The following LAMB3 variants were observed in gnomAD, a reference collection of about 807,000 sequenced individuals.
LAMB3 encodes laminin subunit beta 3.
Under a neutral mutation model 140.3 loss-of-function variants are expected in LAMB3, and 104 were observed. That is an observed-to-expected ratio of 0.74 (90% CI 0.63 to 0.87). LAMB3 has a LOEUF of 0.87. Ranked by LOEUF, LAMB3 falls within the 40% of genes least tolerant of loss-of-function variation. The probability of loss-of-function intolerance (pLI) is 0.00; values close to 1 mark genes in which losing one functional copy is unlikely to be tolerated. For synonymous variants in LAMB3, 592 were observed against 602.9 expected, an observed-to-expected ratio of 0.98 and a Z score of 0.26; for missense variants, 1,531 against 1,575.2, an observed-to-expected ratio of 0.97 and a Z score of 0.47.
intron 3 of LAMB3, among the ~76,000 whole-genome samples, chr1:209,639,393 G>T (rs2236894): frequency 0.52 from 79,086 of 152,004 alleles, 22,062 homozygotes; most frequent in East Asian, 0.83. Flanking sequence ...CATCTGGGGC[G>T]TGAGGATCTT....
chr1:209,637,317 T>G (rs7519594), intron 5 of LAMB3, among the ~76,000 whole-genome samples: 54,321 of 152,074 alleles, frequency 0.36, 11,390 homozygotes, highest in Middle Eastern at 0.55. Context: ...TCATTGAATA[T>G]CTGACTATTT....
chr1:209,638,458 G>A (rs1422282465), intron 4 of LAMB3, 76 bp downstream of exon 4: 3 of 968,802 alleles, frequency 3.1e-6, no homozygotes, highest in Admixed American at 1.7e-5. Context: ...AACCCAAAGG[G>A]TTATAGGGCA....
chr1:209,616,268 A>AGC (rs201084579), intron 22 of LAMB3, among the ~76,000 whole-genome samples: 1,992 of 152,284 alleles, frequency 0.013, 33 homozygotes, highest in African/African-American at 0.045. Flanking sequence ...ATTAATTGCA[A>AGC]GCTTTTTGAG....
At position 209,634,570 on chromosome 1, in the gene LAMB3, C is replaced by T. The variant is rs1666824374; in HGVS notation, c.441G>A (p.Gln147=). The T allele has an allele frequency of 6.2e-7, 1 of 1,614,022 alleles. No individual in the cohort carries two copies. The highest frequency in any genetic ancestry group is 8.5e-7 in the Non-Finnish European group (1 of 1,180,036). ...TGGAGGTGCAGTCGGCAGCCAGGTA[C>T]TGGTACACTCGCCAGGTCTTACCGA... ...SDFGKTWRVY[Q]YLAADCTSTF... is the part of the protein sequence containing the mutation. The change falls in exon 6 of 23, where the codon CAG becomes CAA. Residue 147 remains glutamine (Q), a synonymous_variant. Transcript: ENST00000356082.
chr1:209,638,279 A>C (rs1391178302), intron 4 of LAMB3, among the ~76,000 whole-genome samples: 2 of 152,194 alleles, frequency 1.3e-5, no homozygotes, highest in Non-Finnish European at 1.5e-5. Context: ...CTGCAAGCCC[A>C]CCCACTGAGA....
intron 13 of LAMB3, among the ~76,000 whole-genome samples, chr1:209,626,606 T>C (rs990420104): frequency 2.0e-5 from 3 of 152,052 alleles, no homozygotes; most frequent in Non-Finnish European, 4.4e-5. Context: ...TGGGAAATGC[T>C]CTCTCTCTCT....
chr1:209,640,258 AG>A (rs2076456290), intron 3 of LAMB3, among the ~76,000 whole-genome samples: 1 of 152,236 alleles, frequency 6.6e-6, no homozygotes, highest in Non-Finnish European at 1.5e-5. Context: ...TTTATAAAGT[AG>A]TACCCATTGG....
At chr1:209,624,967 A>G (rs1321806877) in intron 14 of LAMB3, among the ~76,000 whole-genome samples, 8 of 150,986 alleles carry the variant, frequency 5.3e-5, no homozygotes, top group African/African-American at 1.9e-4. Flanking sequence ...GAAGGAAAAA[A>G]GAAGGAAAAG....
chr1:209,619,128 A>C (rs1282013792), intron 18 of LAMB3, among the ~76,000 whole-genome samples: 1 of 152,170 alleles, frequency 6.6e-6, no homozygotes, highest in Non-Finnish European at 1.5e-5. Context: ...AATAAGAATG[A>C]TCAAGTCTCT....
At chr1:209,651,886 G>A (rs968736351) in intron 1 of LAMB3, among the ~76,000 whole-genome samples, 14 of 151,740 alleles carry the variant, frequency 9.2e-5, no homozygotes, top group African/African-American at 1.7e-4. Flanking sequence ...GGCGGGGGGG[G>A]AAATTGAGGA....
At chr1:209,615,447 G>A (rs1220999236) in intron 22 of LAMB3, 40 bp from the exon 23 acceptor site, 2 of 1,559,938 alleles carry the variant, frequency 1.3e-6, no homozygotes, top group South Asian at 1.2e-5. Context: ...GGAGTTGATG[G>A]TGAGACTCCC....
chr1:209,635,247 C>T (rs1666855892), intron 5 of LAMB3, among the ~76,000 whole-genome samples: 1 of 152,202 alleles, frequency 6.6e-6, no homozygotes, highest in Admixed American at 6.5e-5. Context: ...CTATAATAAA[C>T]TCAGCCTCCA....
chr1:209,630,620 C>T lies in LAMB3; in HGVS notation c.938G>A (p.Cys313Tyr). 1.9e-6 allele frequency: 3 copies of T among 1,614,168 alleles called. No homozygotes were observed. Among genetic ancestry groups the T allele is most frequent in the Non-Finnish European group, 1.7e-6 (2 of 1,180,028 alleles). ...RPAEGQDAHE[C>Y]QRCDCNGHSE... is the part of the protein sequence containing the mutation. ...GGGTGATCCAAAGCTCCTACTTTGG[C>T]ATTCATGGGCGTCCTGGCCCTCCGC... is the stretch of plus-strand genomic sequence containing the variant. The change falls in exon 9 of 23, where the codon TGC becomes TAC. Residue 313 changes from cysteine (C) to tyrosine (Y), a missense_variant. Coordinates refer to ENST00000356082, the MANE Select transcript of LAMB3 (RefSeq NM_000228.3).
In LAMB3 at chr1:209,622,555, C is replaced by T. The variant is rs764193178; in HGVS notation, c.2682G>A (p.Gln894=). The T allele has an allele frequency of 6.8e-6, 11 of 1,614,052 alleles. No individual in the cohort carries two copies. Among genetic ancestry groups the T allele is most frequent in the Non-Finnish European group, 9.3e-6 (11 of 1,180,008 alleles). The part of the protein sequence containing the change: ...DVRRTRLLIQ[Q]VRDFLTDPDT... Reference sequence around the variant, plus strand: ...GCTCACCTGTTAGGAAGTCCCGGACCTGCTGGATTAGGAGCCGTGTGCGTC... The same window carrying T: ...GCTCACCTGTTAGGAAGTCCCGGACTTGCTGGATTAGGAGCCGTGTGCGTC... Residue 894 remains glutamine, a synonymous_variant, in exon 18 of 23, where the codon CAG becomes CAA. Coordinates refer to ENST00000356082, the MANE Select transcript of LAMB3 (RefSeq NM_000228.3).
intron 21 of LAMB3, 82 bp from the exon 22 acceptor site, chr1:209,616,706 C>G (rs1216472608): frequency 1.1e-5 from 15 of 1,351,562 alleles, no homozygotes; most frequent in Non-Finnish European, 1.6e-5. Context: ...TGATATCACC[C>G]AAATCAATAC....
rs2076552550 is a variant in LAMB3, at chr1:209,650,089, C to T, written c.58G>A (p.Ala20Thr). ...ALPGLLHAQQACSRGACYPPV... is the reference protein window; with the variant it reads ...ALPGLLHAQQTCSRGACYPPV... The stretch of plus-strand genomic sequence containing the variant: ...GGATAGCAGGCCCCACGGGAGCAGG[C>T]TTGTTGGGCATGCAGGAGGCCAGGC... Residue 20 changes from alanine to threonine, a missense_variant, in exon 3 of 23, where the codon GCC becomes ACC. By Grantham distance (58) the Ala-to-Thr change is moderately conservative. Transcript: ENST00000356082. 1.2e-6 allele frequency: 2 copies of T among 1,613,828 alleles called. No individual in the cohort carries two copies. The highest frequency in any genetic ancestry group is 1.3e-5 in the African/African-American group (1 of 74,886).
chr1:209,636,516 A>C (rs1666898879), intron 5 of LAMB3, among the ~76,000 whole-genome samples: 1 of 152,078 alleles, frequency 6.6e-6, no homozygotes, highest in African/African-American at 2.4e-5. Context: ...ACAAATGGTG[A>C]ATCTTCAGTC....
rs1274555886 is a variant in LAMB3 at position 209,652,351 on chromosome 1, T to C, written c.-38+18A>G. 2.6e-5 allele frequency: 4 copies of C among 152,284 alleles called. No homozygotes were observed. Among genetic ancestry groups the C allele is most frequent in the Non-Finnish European group, 5.9e-5 (4 of 68,108 alleles). The allele number at this position is 152,284 out of a possible 1,614,324, so 9.4% of individuals were successfully genotyped here. A position where few individuals can be genotyped will look rare whatever the true frequency, so the allele number is the denominator to read the frequency against. ...CCGCATCCGGCCCGCACCAGGCAGGTAAAGACAGGTAACATACCTTGCTGT... is the reference window on the plus strand; with the variant it reads ...CCGCATCCGGCCCGCACCAGGCAGGCAAAGACAGGTAACATACCTTGCTGT... On this transcript the variant is annotated intron_variant, in intron 1 of 22. Transcript: ENST00000356082.
chr1:209,625,529 C>T (rs1666403176), intron 14 of LAMB3, 119 bp downstream of exon 14: 2 of 1,291,818 alleles, frequency 1.5e-6, no homozygotes, highest in African/African-American at 2.9e-5. Context: ...AGAGAGAGCA[C>T]TGTGAAAATG....
Sources: allele counts gnomAD v4.1 joint callset (sites outside exome capture counted in the v4.1 genomes callset), GRCh38; gene constraint gnomAD v4.1.1; transcripts MANE v1.5; gene names NCBI Gene and HGNC (gene_info 2026-07-23, HGNC 2026-07-21).